Variants in TMTC3 observed in about 807,000 individuals in gnomAD.
The protein encoded by TMTC3 is transmembrane O-mannosyltransferase targeting cadherins 3.
In TMTC3, 52 loss-of-function variants were observed where a neutral mutation model predicts 92.2. The observed-to-expected ratio is 0.56, with a 90% confidence interval of 0.45 to 0.71. The LOEUF (loss-of-function observed/expected upper bound fraction) is 0.71. TMTC3 is among the 30% of genes least tolerant of loss of function. The pLI is 0.00. For synonymous variants in TMTC3, 339 were observed against 363.3 expected, an observed-to-expected ratio of 0.93 and a Z score of 0.76; for missense variants, 896 against 1,057.1, an observed-to-expected ratio of 0.85 and a Z score of 2.11.
rs967513979 is a variant in TMTC3, at chr12:88,198,375, C to G, written c.*2726C>G. On this transcript the variant is annotated 3_prime_UTR_variant, in exon 14 of 14. Coordinates refer to ENST00000266712, the MANE Select transcript of TMTC3 (RefSeq NM_181783.4). ...TGGATAGTTTTAATTCTCACTGTCT[C>G]AAAAGAGAATCAGCTCTCCAGCAGT... The G allele has an allele frequency of 1.8e-5, 7 of 398,038 alleles. No individual in the cohort carries two copies. The East Asian group carries it at 1.8e-4, about 10-fold the overall frequency. The allele number at this position is 398,038 out of a possible 1,614,324, so 24.7% of individuals were successfully genotyped here. A position where few individuals can be genotyped will look rare whatever the true frequency, so the allele number is the denominator to read the frequency against.
intron 10 of TMTC3, among the ~76,000 whole-genome samples, chr12:88,181,993 T>G (rs1565955386): frequency 6.6e-6 from 1 of 152,220 alleles, no homozygotes; most frequent in Non-Finnish European, 1.5e-5. Flanking sequence ...ATGGCCTGCA[T>G]AATTAGAGAG....
chr12:88,153,676 GCAAA>G (rs1324807283), intron 3 of TMTC3, among the ~76,000 whole-genome samples, 167 bp downstream of exon 3: 2 of 151,568 alleles, frequency 1.3e-5, no homozygotes, highest in Admixed American at 6.6e-5. Flanking sequence ...TTCCTAGTAT[GCAAA>G]GTATAACTTC....
Position 88,172,634 on chromosome 12 carries a change from C to T in TMTC3, c.1088C>T (p.Ser363Leu), listed in dbSNP as rs754151330. Residue 363 changes from serine (S) to leucine (L), a missense_variant, in exon 8 of 14, where the codon TCG becomes TTG. Ser to Leu is a moderately radical substitution (Grantham distance 145, BLOSUM62 -2). Coordinates refer to ENST00000266712, the MANE Select transcript of TMTC3 (RefSeq NM_181783.4). Reference protein sequence around the residue: ...CLMALPFIPASNLFFPVGFVV... With the variant: ...CLMALPFIPALNLFFPVGFVV... The stretch of plus-strand genomic sequence containing the variant: ...ATGGCATTACCATTTATTCCTGCAT[C>T]GAACCTTTTTTTTCCAGTTGGATTT... 6 of 1,559,276 alleles carry T rather than the reference C, an allele frequency of 3.8e-6. No individual in the cohort carries two copies. The highest frequency in any genetic ancestry group is 1.2e-5 in the South Asian group (1 of 80,330).
At chr12:88,181,879 G>A (rs538482552) in intron 10 of TMTC3, among the ~76,000 whole-genome samples, 5 of 151,194 alleles carry the variant, frequency 3.3e-5, no homozygotes, top group East Asian at 3.9e-4. Flanking sequence ...AGTGAAAAGC[G>A]TTAAAGCATT....
rs1403420293 is a variant in TMTC3, at chr12:88,198,195, A to G, written c.*2546A>G. The stretch of plus-strand genomic sequence containing the variant: ...ATTCAAACTGTTCAGGTGAGAAAAC[A>G]TAATGGATTTTTTTTTTTTTCCTCT... On this transcript the variant is annotated 3_prime_UTR_variant, in exon 14 of 14. Coordinates refer to ENST00000266712, the MANE Select transcript of TMTC3 (RefSeq NM_181783.4). 2.5e-6 allele frequency: 1 copy of G among 395,922 alleles called. No individual in the cohort carries two copies. The highest frequency in any genetic ancestry group is 4.5e-6 in the Non-Finnish European group (1 of 224,642). 24.5% of individuals were successfully genotyped at this position (395,922 alleles called of 1,614,324 possible).
chr12:88,188,870 G>A lies in TMTC3; in HGVS notation c.1460G>A (p.Gly487Glu), dbSNP rs1311775138. ...PDDIGAHMNV[G>E]RTYKNLNRTK... ...GATATTGGTGCCCATATGAATGTAG[G>A]AAGAACTTATAAAAATTTAAATAGA... Residue 487 changes from glycine (G) to glutamate (E), a missense_variant, in exon 11 of 14, where the codon GGA (glycine) becomes GAA (glutamate). Gly to Glu is a moderately conservative substitution (Grantham distance 98, BLOSUM62 -2). Coordinates refer to ENST00000266712, the MANE Select transcript of TMTC3 (RefSeq NM_181783.4). The A allele has an allele frequency of 4.4e-6, 7 of 1,591,216 alleles. No homozygotes were observed. Among genetic ancestry groups the A allele is most frequent in the Non-Finnish European group, 6.0e-6 (7 of 1,168,734 alleles).
intron 7 of TMTC3, among the ~76,000 whole-genome samples, chr12:88,169,344 T>TA (rs1309543047): frequency 5.3e-5 from 8 of 150,396 alleles, no homozygotes; most frequent in East Asian, 1.9e-4. Context: ...AAAGAAAGGT[T>TA]AAAAAAAAAG....
At position 88,199,437 on chromosome 12, in the gene TMTC3, A is replaced by AAAT. The variant is rs1380109686; in HGVS notation, c.*3790_*3792dup. On this transcript the variant is annotated 3_prime_UTR_variant, in exon 14 of 14. Transcript: ENST00000266712. ...GAGTTTCTAGCACATAGCAAATAAT[A>AAAT]AATATTAGTTATTAGTATAAACATA... is the stretch of plus-strand genomic sequence containing the variant. The AAAT allele has an allele frequency of 6.6e-6, 1 of 151,954 alleles. No homozygotes were observed. Among genetic ancestry groups the AAAT allele is most frequent in the Non-Finnish European group, 1.5e-5 (1 of 67,962 alleles). 9.4% of individuals were successfully genotyped at this position (151,954 alleles called of 1,614,324 possible). A position where few individuals can be genotyped will look rare whatever the true frequency, so the allele number is the denominator to read the frequency against.
At position 88,196,469 on chromosome 12, in the gene TMTC3, A is replaced by G. The variant is rs1024139451; in HGVS notation, c.*820A>G. The G allele has an allele frequency of 3.3e-5, 5 of 152,154 alleles. No individual in the cohort carries two copies. The highest frequency in any genetic ancestry group is 3.9e-4 in the East Asian group (2 of 5,182). The allele number at this position is 152,154 out of a possible 1,614,324, so 9.4% of individuals were successfully genotyped here. A position where few individuals can be genotyped will look rare whatever the true frequency, so the allele number is the denominator to read the frequency against. ...AGATCGTAGTCATTGAGAAGTCCCA[A>G]TAACTCTAAACTTTTGAGTTATAAC... On this transcript the variant is annotated 3_prime_UTR_variant, in exon 14 of 14. Transcript: ENST00000266712.
At chr12:88,154,988 G>C (rs1399814240) in intron 4 of TMTC3, among the ~76,000 whole-genome samples, 1 of 152,170 alleles carries the variant, frequency 6.6e-6, no homozygotes, top group Non-Finnish European at 1.5e-5. Context: ...GGAAGGGGCA[G>C]ATTTTCTCAC....
intron 1 of TMTC3, 91 bp from the exon 2 acceptor site, chr12:88,148,197 A>C (rs2040898967): frequency 1.3e-6 from 1 of 746,494 alleles, no homozygotes; most frequent in Admixed American, 2.9e-5. Flanking sequence ...TTCTCTGGAG[A>C]ATTAATATGC....
In TMTC3 at chr12:88,171,588, C is replaced by A. The variant is rs147362554; in HGVS notation, c.1051-1009C>A. 2.2e-3 allele frequency among the ~76,000 whole-genome samples: 327 copies of A among 152,092 alleles called. 4 individuals are homozygous for A. Among genetic ancestry groups the A allele is most frequent in the African/African-American group, 7.6e-3 (317 of 41,534 alleles). ...AAGTGTATATGTACCACATTTTTTTCATCCAGTAATCTGTTGATGGATACT... is the reference window on the plus strand; with the variant it reads ...AAGTGTATATGTACCACATTTTTTTAATCCAGTAATCTGTTGATGGATACT... On this transcript the variant is annotated intron_variant, in intron 7 of 13. Transcript: ENST00000266712.
intron 10 of TMTC3, among the ~76,000 whole-genome samples, chr12:88,176,806 G>A (rs1713017758): frequency 6.6e-6 from 1 of 151,862 alleles, no homozygotes; most frequent in Admixed American, 6.6e-5. Flanking sequence ...AACATTTATG[G>A]ATTTTTTCTT....
intron 10 of TMTC3, among the ~76,000 whole-genome samples, chr12:88,182,748 C>G (rs894245064): frequency 5.3e-5 from 8 of 152,102 alleles, no homozygotes; most frequent in African/African-American, 1.2e-4. Flanking sequence ...GGAGCAAAGC[C>G]TGATTTACAT....
chr12:88,176,372 A>T (rs1188045844), intron 10 of TMTC3, 53 bp downstream of exon 10: 1 of 1,349,098 alleles, frequency 7.4e-7, no homozygotes, highest in African/African-American at 1.5e-5. Context: ...AAAAGTTTTG[A>T]TTATCCTTGG....
chr12:88,168,731 A>C (rs2041173672), intron 7 of TMTC3, among the ~76,000 whole-genome samples: 1 of 152,236 alleles, frequency 6.6e-6, no homozygotes, highest in Non-Finnish European at 1.5e-5. Flanking sequence ...TCCTAAGATC[A>C]TGAGAACTTG....
chr12:88,143,407 T>G (rs2040805021), intron 1 of TMTC3, among the ~76,000 whole-genome samples: 1 of 152,236 alleles, frequency 6.6e-6, no homozygotes, highest in African/African-American at 2.4e-5. Context: ...ATCTTGTTTA[T>G]TCTTCCTTAC....
At chr12:88,148,734 CTTT>C (rs879353745) in intron 2 of TMTC3, among the ~76,000 whole-genome samples, 1 of 142,232 alleles carries the variant, frequency 7.0e-6, no homozygotes, top group Non-Finnish European at 1.5e-5. Context: ...TTGGCTGCTG[CTTT>C]TTTTTTTTTA....
At position 88,197,259 on chromosome 12, in the gene TMTC3, A is replaced by ATTTTTTTTTTTT. The variant is rs60468231; in HGVS notation, c.*1624_*1635dup. 9.0e-6 allele frequency: 1 copy of ATTTTTTTTTTTT among 110,576 alleles called. No individual in the cohort carries two copies. 6.8% of individuals were successfully genotyped at this position (110,576 alleles called of 1,614,324 possible). On this transcript the variant is annotated 3_prime_UTR_variant, in exon 14 of 14. Coordinates refer to ENST00000266712, the MANE Select transcript of TMTC3 (RefSeq NM_181783.4). ...TAGGTTCCCTAAGGATCTGCCATAGATTTTTTTTTTTTTTTTTTTTTTTTT... is the reference window on the plus strand; with the variant it reads ...TAGGTTCCCTAAGGATCTGCCATAGATTTTTTTTTTTTTTTTTTTTTTTTTTTTTTTTTTTTT...
Sources: allele counts gnomAD v4.1 joint callset (sites outside exome capture counted in the v4.1 genomes callset), GRCh38; gene constraint gnomAD v4.1.1; transcripts MANE v1.5; gene names NCBI Gene and HGNC (gene_info 2026-07-23, HGNC 2026-07-21).